The following MYO1D variants were observed in gnomAD, a reference collection of about 807,000 sequenced individuals.
MYO1D encodes the protein unconventional myosin-Id.
A neutral mutation model predicts 122.0 loss-of-function variants in MYO1D; 83 were observed. That is an observed-to-expected ratio of 0.68 (90% CI 0.57 to 0.82). The LOEUF (loss-of-function observed/expected upper bound fraction) is 0.82. Among genes scored for constraint, MYO1D ranks in the 40% least tolerant of loss-of-function variants. The pLI is 0.00. For synonymous variants in MYO1D, 464 were observed against 446.9 expected, an observed-to-expected ratio of 1.04 and a Z score of -0.48; for missense variants, 1,157 against 1,269.5, an observed-to-expected ratio of 0.91 and a Z score of 1.35.
chr17:32,686,925 A>T (rs1484108163), intron 16 of MYO1D, among the ~76,000 whole-genome samples: 1 of 150,760 alleles, frequency 6.6e-6, no homozygotes, highest in Admixed American at 6.6e-5. Flanking sequence ...TAATTGTGCC[A>T]CTGCACTCCA....
intron 21 of MYO1D, among the ~76,000 whole-genome samples, chr17:32,593,644 G>C (rs779689836): frequency 2.0e-5 from 3 of 152,196 alleles, no homozygotes; most frequent in Non-Finnish European, 4.4e-5. Context: ...ATAAAGAAAA[G>C]TTATATATAT....
intron 14 of MYO1D, among the ~76,000 whole-genome samples, chr17:32,726,381 A>G (rs1345061444): frequency 6.6e-6 from 1 of 151,570 alleles, no homozygotes; most frequent in Non-Finnish European, 1.5e-5. Flanking sequence ...GATCATGCCA[A>G]TGCACTCCAG....
intron 1 of MYO1D, among the ~76,000 whole-genome samples, chr17:32,867,594 C>T (rs536062183): frequency 4.0e-5 from 6 of 149,922 alleles, no homozygotes; most frequent in Admixed American, 6.6e-5. Flanking sequence ...GTCAGGAGTT[C>T]GAGACCAGCC....
chr17:32,727,653 C>G (rs544092983), intron 14 of MYO1D: 1 of 152,060 alleles, frequency 6.6e-6, no homozygotes, highest in Non-Finnish European at 1.5e-5. Context: ...AAAATAAATA[C>G]AGAAGAGTCA....
At chr17:32,596,064 A>G (rs1173995693) in intron 21 of MYO1D, among the ~76,000 whole-genome samples, 1 of 152,188 alleles carries the variant, frequency 6.6e-6, no homozygotes, top group Non-Finnish European at 1.5e-5. Flanking sequence ...GGCAGAGGAA[A>G]GTGAATTGTG....
chr17:32,744,456 TATAATCTC>T lies in MYO1D; in HGVS notation c.1613+747_1613+754del, dbSNP rs2089808899. Among the ~76,000 whole-genome samples, 17 of 152,344 alleles carry T rather than the reference TATAATCTC, an allele frequency of 1.1e-4. No individual in the cohort carries two copies. The South Asian group carries it at 3.5e-3, about 32-fold the overall frequency. ...TTATTAACTGTCACCTTTACTAGAC[TATAATCTC>T]CATGAGGCCAGGGACTTTGCCTACA... On this transcript the variant is annotated intron_variant, in intron 13 of 21. Transcript: ENST00000318217.
At chr17:32,581,741 TTG>T (rs35563167) in intron 21 of MYO1D, among the ~76,000 whole-genome samples, 65,580 of 147,976 alleles carry the variant, frequency 0.44, 14,988 homozygotes, top group Middle Eastern at 0.58. Flanking sequence ...CCTGGCTAAT[TTG>T]TGTGTGTGTG....
chr17:32,496,738 G>A (rs919944553), intron 21 of MYO1D, among the ~76,000 whole-genome samples: 7 of 152,142 alleles, frequency 4.6e-5, no homozygotes, highest in Non-Finnish European at 8.8e-5. Context: ...CCCTGGCAGC[G>A]GCCTCCCCCT....
chr17:32,497,372 G>A (rs1055971524), intron 21 of MYO1D, among the ~76,000 whole-genome samples: 1 of 152,136 alleles, frequency 6.6e-6, no homozygotes, highest in Non-Finnish European at 1.5e-5. Context: ...CAGGAGGATC[G>A]CCTGAGCCCG....
intron 16 of MYO1D, among the ~76,000 whole-genome samples, chr17:32,708,265 GAT>G (rs570436223): frequency 1.3e-5 from 2 of 152,116 alleles, no homozygotes; most frequent in Non-Finnish European, 2.9e-5. Flanking sequence ...TATTATTTTA[GAT>G]ATGTTTGTCT....
chr17:32,789,767 A>G (rs2090331922), intron 1 of MYO1D, among the ~76,000 whole-genome samples: 1 of 152,210 alleles, frequency 6.6e-6, no homozygotes, highest in Admixed American at 6.5e-5. Flanking sequence ...TGCAGCCACA[A>G]GTCAAGCCAA....
At chr17:32,773,051 G>A (rs1240564555) in intron 4 of MYO1D, among the ~76,000 whole-genome samples, 2 of 152,262 alleles carry the variant, frequency 1.3e-5, no homozygotes, top group African/African-American at 4.8e-5. Flanking sequence ...CTTGGATCGG[G>A]GGAGCTCCCT....
At chr17:32,783,601 G>T (rs750933404) in intron 1 of MYO1D, among the ~76,000 whole-genome samples, 1 of 152,146 alleles carries the variant, frequency 6.6e-6, no homozygotes, top group Non-Finnish European at 1.5e-5. Context: ...TAAATACAAT[G>T]CTTCAGCAAT....
At chr17:32,811,742 T>C (rs536012824) in intron 1 of MYO1D, among the ~76,000 whole-genome samples, 1 of 150,532 alleles carries the variant, frequency 6.6e-6, no homozygotes, top group Non-Finnish European at 1.5e-5. Flanking sequence ...TGGATCTTGG[T>C]TAGTCTAAGG....
chr17:32,563,197 T>G (rs535946763), intron 21 of MYO1D, among the ~76,000 whole-genome samples: 1 of 147,584 alleles, frequency 6.8e-6, no homozygotes, highest in South Asian at 2.1e-4. Context: ...AGCTCTTTTT[T>G]TCTTCTCTCT....
chr17:32,807,737 C>T (rs527518284), intron 1 of MYO1D, among the ~76,000 whole-genome samples: 5 of 152,274 alleles, frequency 3.3e-5, no homozygotes, highest in Admixed American at 2.0e-4. Flanking sequence ...AAGCAGCTTG[C>T]GTGCTCAGGG....
intron 20 of MYO1D, 107 bp downstream of exon 20, chr17:32,638,615 G>A: frequency 1.6e-6 from 1 of 632,704 alleles, no homozygotes; most frequent in Non-Finnish European, 2.7e-6. Context: ...GGAATTCATG[G>A]GCATCCTAAA....
chr17:32,533,357 C>T (rs969567857), intron 21 of MYO1D, among the ~76,000 whole-genome samples: 1 of 152,168 alleles, frequency 6.6e-6, no homozygotes, highest in Non-Finnish European at 1.5e-5. Context: ...CACTCCACAG[C>T]AATCCATCAC....
intron 6 of MYO1D, among the ~76,000 whole-genome samples, chr17:32,768,630 C>A (rs1253614638): frequency 6.6e-6 from 1 of 152,152 alleles, no homozygotes; most frequent in African/African-American, 2.4e-5. Flanking sequence ...GTCCAGGAGA[C>A]AACCAGGCCA....
Sources: gnomAD v4.1 joint callset for allele counts (sites outside exome capture counted in the v4.1 genomes callset) on GRCh38, gnomAD v4.1.1 for gene constraint, MANE v1.5 for transcripts, NCBI Gene and HGNC (gene_info 2026-07-23, HGNC 2026-07-21) for gene names.